The following FGFBP1 variants were observed in gnomAD, a reference collection of about 807,000 sequenced individuals.
FGFBP1 encodes fibroblast growth factor binding protein 1.
FGFBP1 carries 12 observed loss-of-function variants against 14.6 expected under a neutral mutation model. The ratio of observed to expected loss-of-function variants is 0.82; its 90% CI spans 0.53 to 1.33. The LOEUF (loss-of-function observed/expected upper bound fraction) is 1.33. FGFBP1 is among the 40% of genes most tolerant of loss of function. The pLI, the probability that FGFBP1 is intolerant of heterozygous loss-of-function variation, is 0.00. For synonymous variants in FGFBP1, 117 were observed against 105.0 expected (o/e 1.11, Z -0.70); for missense variants, 317 against 271.8 (o/e 1.17, Z -1.17).
Position 15,936,218 on chromosome 4 carries a change from A to C in FGFBP1, c.415T>G (p.Cys139Gly). 1 of 1,614,190 alleles carries C rather than the reference A, an allele frequency of 6.2e-7. No individual in the cohort carries two copies. The highest frequency in any genetic ancestry group is 1.1e-5 in the South Asian group (1 of 91,086). Reference sequence around the variant, plus strand: ...CTGGATTCTGGAAAATCCTTTCTGCACACTCTGGTTTTCACAGCTGTCTTG... The same window carrying C: ...CTGGATTCTGGAAAATCCTTTCTGCCCACTCTGGTTTTCACAGCTGTCTTG... The part of the protein sequence containing the change: ...YSKTAVKTRV[C>G]RKDFPESSLK... Residue 139 changes from cysteine (C) to glycine (G), a missense_variant, in exon 3 of 3, where the codon TGC becomes GGC. Coordinates refer to ENST00000382333, the MANE Select transcript of FGFBP1 (RefSeq NM_005130.5).
chr4:15,936,043 CA>C lies in FGFBP1; in HGVS notation c.589del (p.Cys197ValfsTer32). 6.2e-7 allele frequency: 1 copy of C among 1,614,202 alleles called. No homozygotes were observed. Among genetic ancestry groups the C allele is most frequent in the Non-Finnish European group, 8.5e-7 (1 of 1,180,014 alleles). On this transcript the variant is annotated frameshift_variant, in exon 3 of 3. Coordinates refer to ENST00000382333, the MANE Select transcript of FGFBP1 (RefSeq NM_005130.5). LOFTEE classifies it high-confidence loss of function. Reference protein sequence around the residue: ...TQTMATKAPECVEDPDMANQR... With the variant: ...TQTMATKAPEXVEDPDMANQR... ...GTTTGCCATATCTGGGTCCTCCACACACTCGGGAGCTTTGGTGGCCATGGTC... is the reference window on the plus strand; with the variant it reads ...GTTTGCCATATCTGGGTCCTCCACACCTCGGGAGCTTTGGTGGCCATGGTC...
Position 15,935,982 on chromosome 4 carries a change from A to G in FGFBP1, c.651T>C (p.Thr217=). 6.2e-7 allele frequency: 1 copy of G among 1,613,902 alleles called. No homozygotes were observed. The highest frequency in any genetic ancestry group is 1.7e-5 in the Admixed American group (1 of 60,008). ...RKTALEFCGE[T]WSSLCTFFLS... The stretch of plus-strand genomic sequence containing the variant: ...GGAAGAATGTGCAGAGAGAGCTCCA[A>G]GTCTCTCCACAGAACTCCAGGGCAG... Residue 217 remains threonine (T), a synonymous_variant, in exon 3 of 3, where the codon ACT becomes ACC. Coordinates refer to ENST00000382333, the MANE Select transcript of FGFBP1 (RefSeq NM_005130.5).
Position 15,935,844 on chromosome 4 carries a change from G to C in FGFBP1, c.*84C>G. 1.3e-6 allele frequency: 1 copy of C among 769,016 alleles called. No individual in the cohort carries two copies. Among genetic ancestry groups the C allele is most frequent in the Non-Finnish European group, 2.0e-6 (1 of 496,976 alleles). The allele number at this position is 769,016 out of a possible 1,614,324, so 47.6% of individuals were successfully genotyped here. A position where few individuals can be genotyped will look rare whatever the true frequency, so the allele number is the denominator to read the frequency against. On this transcript the variant is annotated 3_prime_UTR_variant, in exon 3 of 3. Transcript: ENST00000382333. The stretch of plus-strand genomic sequence containing the variant: ...CACTAAGCACAAAAGTTCATATTTT[G>C]GGGGGACTGTAGAGAGCTTTAAAGT...
chr4:15,936,226 G>T lies in FGFBP1; in HGVS notation c.407C>A (p.Thr136Asn). The T allele has an allele frequency of 6.2e-7, 1 of 1,614,218 alleles. No individual in the cohort carries two copies. Among genetic ancestry groups the T allele is most frequent in the Non-Finnish European group, 8.5e-7 (1 of 1,180,042 alleles). ...ICRYSKTAVK[T>N]RVCRKDFPES... Reference sequence around the variant, plus strand: ...TGGAAAATCCTTTCTGCACACTCTGGTTTTCACAGCTGTCTTGGAATATCT... The same window carrying T: ...TGGAAAATCCTTTCTGCACACTCTGTTTTTCACAGCTGTCTTGGAATATCT... Residue 136 changes from threonine (T) to asparagine (N), a missense_variant, in exon 3 of 3, where the codon ACC (threonine) becomes AAC (asparagine). Coordinates refer to ENST00000382333, the MANE Select transcript of FGFBP1 (RefSeq NM_005130.5).
At position 15,938,395 on chromosome 4, in the gene FGFBP1, TACA is replaced by T. The variant is rs1712547165; in HGVS notation, c.-168_-166del. 6.6e-6 allele frequency: 1 copy of T among 152,344 alleles called. No individual in the cohort carries two copies. The highest frequency in any genetic ancestry group is 1.9e-4 in the East Asian group (1 of 5,192). The allele number at this position is 152,344 out of a possible 1,614,324, so 9.4% of individuals were successfully genotyped here. A position where few individuals can be genotyped will look rare whatever the true frequency, so the allele number is the denominator to read the frequency against. ...GTTTTTATAACACTCACTGGGTTTT[TACA>T]ACACTGTGGCACGTTACTCACAGCT... is the stretch of plus-strand genomic sequence containing the variant. On this transcript the variant is annotated 5_prime_UTR_variant, in exon 2 of 3. Transcript: ENST00000382333.
At position 15,936,656 on chromosome 4, in the gene FGFBP1, T is replaced by C. The variant is rs1267781715; in HGVS notation, c.-20-4A>G. Reference sequence around the variant, plus strand: ...ATGGCTGCAGCTGGGCGTTCACCTGTTTGACAAAAGGCAAGTGAGTCAGTG... The same window carrying C: ...ATGGCTGCAGCTGGGCGTTCACCTGCTTGACAAAAGGCAAGTGAGTCAGTG... On this transcript the variant is annotated splice_polypyrimidine_tract_variant and splice_region_variant and intron_variant, in intron 2 of 2. Coordinates refer to ENST00000382333, the MANE Select transcript of FGFBP1 (RefSeq NM_005130.5). 2.6e-6 allele frequency: 4 copies of C among 1,566,128 alleles called. No individual in the cohort carries two copies. The African/African-American group carries it at 4.1e-5, about 16-fold the overall frequency.
intron 2 of FGFBP1, 138 bp from the exon 3 acceptor site, chr4:15,936,790 C>G (rs915280941): frequency 3.4e-6 from 2 of 584,256 alleles, no homozygotes; most frequent in Non-Finnish European, 6.0e-6. Flanking sequence ...CCTGGAGTCA[C>G]TAGACAAACA....
rs781436595 is a variant in FGFBP1, at chr4:15,936,365, GGTCCA to G, written c.263_267del (p.Leu88SerfsTer2). 3.1e-6 allele frequency: 5 copies of G among 1,614,214 alleles called. No individual in the cohort carries two copies. The South Asian group carries it at 5.5e-5, about 18-fold the overall frequency. ...CCAGCAAAGACACAGGAAAATTCAT[GGTCCA>G]ATTGAGTGCACTCAACCTTGAGAGA... is the stretch of plus-strand genomic sequence containing the variant. On this transcript the variant is annotated frameshift_variant, in exon 3 of 3. Coordinates refer to ENST00000382333, the MANE Select transcript of FGFBP1 (RefSeq NM_005130.5). LOFTEE classifies it high-confidence loss of function.
chr4:15,938,025 C>T (rs959089837), intron 2 of FGFBP1, among the ~76,000 whole-genome samples: 1 of 152,204 alleles, frequency 6.6e-6, no homozygotes, highest in Non-Finnish European at 1.5e-5. Context: ...AGTTGGCCAT[C>T]TTCTAGGGTT....
rs1037777019 is a variant in FGFBP1 at position 15,935,727 on chromosome 4, C to G, written c.*201G>C. The G allele has an allele frequency of 2.2e-6, 1 of 461,348 alleles. No homozygotes were observed. The highest frequency in any genetic ancestry group is 3.8e-6 in the Non-Finnish European group (1 of 263,228). The allele number at this position is 461,348 out of a possible 1,614,324, so 28.6% of individuals were successfully genotyped here. A position where few individuals can be genotyped will look rare whatever the true frequency, so the allele number is the denominator to read the frequency against. ...CCATGGAAATACATGCTGCAGGAAA[C>G]AGCCTCTGAACATCGCATCCAAGAA... On this transcript the variant is annotated 3_prime_UTR_variant, in exon 3 of 3. Transcript: ENST00000382333.
In FGFBP1 at chr4:15,936,400, C is replaced by T. The variant is rs1431761494; in HGVS notation, c.233G>A (p.Gly78Asp). 2.5e-6 allele frequency: 4 copies of T among 1,614,018 alleles called. No individual in the cohort carries two copies. Among genetic ancestry groups the T allele is most frequent in the Admixed American group, 1.7e-5 (1 of 60,000 alleles). The change falls in exon 3 of 3, where the codon GGC becomes GAC. Residue 78 changes from glycine (G) to aspartate (D), a missense_variant. Transcript: ENST00000382333. ...CRWAATEQEEGISLKVECTQL... is the reference protein window; with the variant it reads ...CRWAATEQEEDISLKVECTQL... ...AGTGCACTCAACCTTGAGAGAGATG[C>T]CCTCCTCCTGCTCAGTAGCAGCCCA... is the stretch of plus-strand genomic sequence containing the variant.
At chr4:15,937,811 T>C (rs1293058525) in intron 2 of FGFBP1, among the ~76,000 whole-genome samples, 1 of 152,204 alleles carries the variant, frequency 6.6e-6, no homozygotes, top group East Asian at 1.9e-4. Context: ...GTTGATCACT[T>C]TTTGCTTTTC....
rs750783310 is a variant in FGFBP1, at chr4:15,936,402, C to T, written c.231G>A (p.Glu77=). The T allele has an allele frequency of 4.3e-6, 7 of 1,614,082 alleles. No individual in the cohort carries two copies. The East Asian group carries it at 8.9e-5, about 21-fold the overall frequency. Residue 77 remains glutamate, a synonymous_variant, in exon 3 of 3, where the codon GAG becomes GAA. Coordinates refer to ENST00000382333, the MANE Select transcript of FGFBP1 (RefSeq NM_005130.5). ...TGCACTCAACCTTGAGAGAGATGCC[C>T]TCCTCCTGCTCAGTAGCAGCCCATC... The part of the protein sequence containing the change: ...NCRWAATEQE[E]GISLKVECTQ...
rs189694594 is a variant in FGFBP1 at position 15,938,360 on chromosome 4, G to A, written c.-130C>T. On this transcript the variant is annotated 5_prime_UTR_variant, in exon 2 of 3. Coordinates refer to ENST00000382333, the MANE Select transcript of FGFBP1 (RefSeq NM_005130.5). ...GGGGTAGACTATTCAACAGGAGCCAGGCTGACTGGGTTTTTATAACACTCA... is the reference window on the plus strand; with the variant it reads ...GGGGTAGACTATTCAACAGGAGCCAAGCTGACTGGGTTTTTATAACACTCA... The A allele has an allele frequency of 6.6e-6, 1 of 152,478 alleles. No homozygotes were observed. The highest frequency in any genetic ancestry group is 1.5e-5 in the Non-Finnish European group (1 of 68,112). The allele number at this position is 152,478 out of a possible 1,614,324, so 9.4% of individuals were successfully genotyped here.
chr4:15,936,153 CT>C lies in FGFBP1; in HGVS notation c.479del (p.Lys160SerfsTer25). 6.2e-7 allele frequency: 1 copy of C among 1,614,084 alleles called. No individual in the cohort carries two copies. Among genetic ancestry groups the C allele is most frequent in the South Asian group, 1.1e-5 (1 of 91,072 alleles). On this transcript the variant is annotated frameshift_variant, in exon 3 of 3. Transcript: ENST00000382333. LOFTEE classifies it high-confidence loss of function. Reference protein sequence around the residue: ...LVSSTLFGNTKPRKEKTEMSP... With the variant: ...LVSSTLFGNTXPRKEKTEMSP... ...ACATCTCTGTTTTCTCCTTCCTGGGCTTTGTGTTCCCAAATAGAGTGGAGCT... is the reference window on the plus strand; with the variant it reads ...ACATCTCTGTTTTCTCCTTCCTGGGCTTGTGTTCCCAAATAGAGTGGAGCT...
chr4:15,936,896 C>T (rs1712510901), intron 2 of FGFBP1, among the ~76,000 whole-genome samples: 1 of 152,166 alleles, frequency 6.6e-6, no homozygotes, highest in Admixed American at 6.5e-5. Flanking sequence ...CATTTATTCA[C>T]TCATTAACTC....
Position 15,936,050 on chromosome 4 carries a change from G to A in FGFBP1, c.583C>T (p.Pro195Ser). The change falls in exon 3 of 3, where the codon CCC (proline) becomes TCC (serine). Residue 195 changes from proline to serine, a missense_variant. By Grantham distance (74) the Pro-to-Ser change is moderately conservative. Transcript: ENST00000382333. The stretch of plus-strand genomic sequence containing the variant: ...ATATCTGGGTCCTCCACACACTCGG[G>A]AGCTTTGGTGGCCATGGTCTGGGTC... ...AVTQTMATKA[P>S]ECVEDPDMAN... The A allele has an allele frequency of 1.2e-6, 2 of 1,614,042 alleles. No individual in the cohort carries two copies. Among genetic ancestry groups the A allele is most frequent in the East Asian group, 2.2e-5 (1 of 44,886 alleles).
Position 15,935,883 on chromosome 4 carries a change from T to C in FGFBP1, c.*45A>G, listed in dbSNP as rs558072516. The C allele has an allele frequency of 3.8e-6, 5 of 1,316,640 alleles. No homozygotes were observed. The African/African-American group carries it at 7.3e-5, about 19-fold the overall frequency. The allele number at this position is 1,316,640 out of a possible 1,614,324, so 81.6% of individuals were successfully genotyped here. A position where few individuals can be genotyped will look rare whatever the true frequency, so the allele number is the denominator to read the frequency against. On this transcript the variant is annotated 3_prime_UTR_variant, in exon 3 of 3. Transcript: ENST00000382333. ...GAGCTTTAAAGTATACAGAGGGACT[T>C]ACGACATGACATCTCTTAAGGGAAC...
chr4:15,936,148 C>G lies in FGFBP1; in HGVS notation c.485G>C (p.Arg162Thr), dbSNP rs773903962. Reference protein sequence around the residue: ...SSTLFGNTKPRKEKTEMSPRE... With the variant: ...SSTLFGNTKPTKEKTEMSPRE... ...GGGGGACATCTCTGTTTTCTCCTTCCTGGGCTTTGTGTTCCCAAATAGAGT... is the reference window on the plus strand; with the variant it reads ...GGGGGACATCTCTGTTTTCTCCTTCGTGGGCTTTGTGTTCCCAAATAGAGT... The change falls in exon 3 of 3, where the codon AGG (arginine) becomes ACG (threonine). Residue 162 changes from arginine (R) to threonine (T), a missense_variant. Coordinates refer to ENST00000382333, the MANE Select transcript of FGFBP1 (RefSeq NM_005130.5). The G allele has an allele frequency of 1.7e-5, 28 of 1,613,990 alleles. No homozygotes were observed. In the South Asian group the frequency reaches 3.1e-4, roughly 18 times the overall value.
Sources: gnomAD v4.1 joint callset for allele counts (sites outside exome capture counted in the v4.1 genomes callset) on GRCh38, gnomAD v4.1.1 for gene constraint, MANE v1.5 for transcripts, NCBI Gene and HGNC (gene_info 2026-07-23, HGNC 2026-07-21) for gene names.